ABCC4: variants seen among roughly 807,000 people sequenced by gnomAD.
ABCC4 encodes the protein ATP binding cassette subfamily C member 4 (PEL blood group).
A neutral mutation model predicts 168.5 loss-of-function variants in ABCC4; 102 were observed. That is an observed-to-expected ratio of 0.61 (90% confidence interval 0.52 to 0.71). The LOEUF is 0.71. Among genes scored for constraint, ABCC4 ranks in the 30% least tolerant of loss-of-function variants. The probability of loss-of-function intolerance (pLI) is 0.00; values close to 1 mark genes in which losing one functional copy is unlikely to be tolerated. For missense variants in ABCC4, 1,402 were observed against 1,605.8 expected, an observed-to-expected ratio of 0.87 and a Z score of 2.17; for synonymous variants, 617 against 590.7, an observed-to-expected ratio of 1.04 and a Z score of -0.65.
intron 20 of ABCC4, among the ~76,000 whole-genome samples, chr13:95,090,863 G>A (rs1436568652): frequency 2.0e-5 from 3 of 152,132 alleles, no homozygotes; most frequent in Admixed American, 6.6e-5. Flanking sequence ...AAAGCACAAT[G>A]CAAGGAAATC....
At chr13:95,114,540 C>T (rs867245049) in intron 20 of ABCC4, among the ~76,000 whole-genome samples, 31 of 152,148 alleles carry the variant, frequency 2.0e-4, no homozygotes, top group Admixed American at 5.2e-4. Context: ...TATAGCTAAA[C>T]CCAGGAGGGC....
chr13:95,233,868 T>G (rs755185927), intron 4 of ABCC4, among the ~76,000 whole-genome samples: 2 of 152,040 alleles, frequency 1.3e-5, no homozygotes, highest in African/African-American at 4.8e-5. Context: ...CAACATAAAA[T>G]AGAAACACTA....
intron 1 of ABCC4, among the ~76,000 whole-genome samples, chr13:95,263,123 G>A (rs567047111): frequency 1.1e-3 from 170 of 152,180 alleles, no homozygotes; most frequent in African/African-American, 3.8e-3. Context: ...GTGCCCTACA[G>A]AAAAAAACGT....
chr13:95,183,920 A>T (rs2037978500), intron 11 of ABCC4, among the ~76,000 whole-genome samples: 1 of 151,934 alleles, frequency 6.6e-6, no homozygotes, highest in Non-Finnish European at 1.5e-5. Context: ...TCTCAAAAAA[A>T]ACCCAAAGTG....
chr13:95,046,661 G>T (rs895266952), intron 27 of ABCC4, among the ~76,000 whole-genome samples: 6 of 152,064 alleles, frequency 3.9e-5, no homozygotes, highest in Non-Finnish European at 7.4e-5. Flanking sequence ...CCATTAGGAG[G>T]CTGAGGCAGG....
chr13:95,283,346 T>G (rs2041175937), intron 1 of ABCC4, among the ~76,000 whole-genome samples: 1 of 148,468 alleles, frequency 6.7e-6, no homozygotes. Context: ...AGAGCCACCT[T>G]GAAGTTTTTC....
Position 95,115,988 on chromosome 13 carries a change from A to G in ABCC4, c.2469T>C (p.Asn823=), listed in dbSNP as rs1566432928. The G allele has an allele frequency of 6.2e-7, 1 of 1,612,244 alleles. No individual in the cohort carries two copies. Residue 823 remains asparagine, a synonymous_variant, in exon 20 of 31, where the codon AAT becomes AAC. Transcript: ENST00000645237. ...AGTGTCCAATGTCTTTGGAGAAACGATTTAAAATTCTTCCTGCAAGAACAG... is the reference window on the plus strand; with the variant it reads ...AGTGTCCAATGTCTTTGGAGAAACGGTTTAAAATTCTTCCTGCAAGAACAG... ...FDRNPIGRIL[N]RFSKDIGHLD...
intron 19 of ABCC4, among the ~76,000 whole-genome samples, chr13:95,156,207 T>C (rs908586860): frequency 2.0e-5 from 3 of 152,188 alleles, no homozygotes; most frequent in Non-Finnish European, 4.4e-5. Flanking sequence ...CAGAAAAATA[T>C]CTTCCACAAA....
At chr13:95,043,461 C>A (rs1445544221) in intron 29 of ABCC4, 2 of 451,260 alleles carry the variant, frequency 4.4e-6, no homozygotes, top group Non-Finnish European at 7.9e-6. Context: ...AAACTTTTAA[C>A]ATATGATTTT....
chr13:95,116,455 AT>A lies in ABCC4; in HGVS notation c.2456-455del, dbSNP rs4148520. On this transcript the variant is annotated intron_variant, in intron 19 of 30. Coordinates refer to ENST00000645237, the MANE Select transcript of ABCC4 (RefSeq NM_005845.5). ...ATATAAACATAATGATAACCTCTGT[AT>A]TTTTTTTTCCCCAGCCTGCTTGACT... Among the ~76,000 whole-genome samples, 64 of 151,538 alleles carry A rather than the reference AT, an allele frequency of 4.2e-4. No homozygotes were observed. In the East Asian group the frequency reaches 6.0e-3, roughly 14 times the overall value.
intron 20 of ABCC4, among the ~76,000 whole-genome samples, chr13:95,108,278 T>C (rs1312598570): frequency 6.6e-6 from 1 of 152,166 alleles, no homozygotes; most frequent in Non-Finnish European, 1.5e-5. Context: ...TATATGACTT[T>C]CTATAGGGAG....
chr13:95,068,926 G>A (rs1390060107), intron 25 of ABCC4, among the ~76,000 whole-genome samples: 1 of 152,240 alleles, frequency 6.6e-6, no homozygotes, highest in African/African-American at 2.4e-5. Flanking sequence ...GAGAAACCTT[G>A]CTTTCAGCAA....
chr13:95,124,184 T>C (rs576880754), intron 19 of ABCC4, among the ~76,000 whole-genome samples: 7 of 152,244 alleles, frequency 4.6e-5, no homozygotes, highest in African/African-American at 1.7e-4. Flanking sequence ...GGGGCACAAG[T>C]GCAGTTTGGA....
At chr13:95,280,662 G>C (rs1301040657) in intron 1 of ABCC4, among the ~76,000 whole-genome samples, 1 of 151,204 alleles carries the variant, frequency 6.6e-6, no homozygotes, top group African/African-American at 2.4e-5. Context: ...GCTCTCTGTG[G>C]GATTCCTTCC....
At chr13:95,072,143 G>T (rs963688819) in intron 24 of ABCC4, among the ~76,000 whole-genome samples, 4 of 152,194 alleles carry the variant, frequency 2.6e-5, no homozygotes, top group African/African-American at 9.7e-5. Context: ...GTAAAGGAAA[G>T]GAATACTTAG....
intron 3 of ABCC4, among the ~76,000 whole-genome samples, chr13:95,238,593 T>A (rs2039845317): frequency 6.6e-6 from 1 of 152,210 alleles, no homozygotes; most frequent in Non-Finnish European, 1.5e-5. Flanking sequence ...TTCACTCTTG[T>A]TGCGCAGGCT....
chr13:95,153,228 A>G (rs2036747760), intron 19 of ABCC4, among the ~76,000 whole-genome samples: 1 of 152,236 alleles, frequency 6.6e-6, no homozygotes, highest in Non-Finnish European at 1.5e-5. Context: ...ACAGTTTTAA[A>G]TGACAATACT....
chr13:95,288,047 A>C (rs1018851412), intron 1 of ABCC4, among the ~76,000 whole-genome samples: 4 of 132,634 alleles, frequency 3.0e-5, no homozygotes, highest in Non-Finnish European at 1.7e-5. Flanking sequence ...GCCTCACACA[A>C]ATAATAAATA....
At chr13:95,126,221 T>C (rs1201860377) in intron 19 of ABCC4, among the ~76,000 whole-genome samples, 1 of 152,244 alleles carries the variant, frequency 6.6e-6, no homozygotes, top group East Asian at 1.9e-4. Context: ...TAAATGCTCA[T>C]GGAATATCTC....
Sources: allele counts gnomAD v4.1 joint callset (sites outside exome capture counted in the v4.1 genomes callset), GRCh38; gene constraint gnomAD v4.1.1; transcripts MANE v1.5; gene names NCBI Gene and HGNC (gene_info 2026-07-23, HGNC 2026-07-21).